The following CLMN variants were observed in gnomAD, a reference collection of about 807,000 sequenced individuals.
CLMN encodes the protein calmin.
CLMN carries 57 observed loss-of-function variants against 92.7 expected under a neutral mutation model. That is an observed-to-expected ratio of 0.61 (90% CI 0.50 to 0.77). The LOEUF is 0.77. CLMN is among the 30% of genes least tolerant of loss of function. The pLI is 0.00. For missense variants in CLMN, 1,158 were observed against 1,237.5 expected (o/e 0.94, Z 0.96); for synonymous variants, 466 against 470.6 (o/e 0.99, Z 0.13).
At chr14:95,216,357 G>A (rs1897345321) in intron 4 of CLMN, among the ~76,000 whole-genome samples, 1 of 152,240 alleles carries the variant, frequency 6.6e-6, no homozygotes, top group African/African-American at 2.4e-5. Context: ...AATTCAAGGT[G>A]AGATTTGGGT....
intron 1 of CLMN, among the ~76,000 whole-genome samples, chr14:95,245,901 T>TG (rs1898551014): frequency 3.8e-5 from 5 of 130,536 alleles, no homozygotes; most frequent in Non-Finnish European, 6.4e-5. Flanking sequence ...GACACACGGA[T>TG]GAATGGATGG....
chr14:95,200,996 T>C (rs1293704089), intron 9 of CLMN, among the ~76,000 whole-genome samples: 1 of 114,812 alleles, frequency 8.7e-6, no homozygotes, highest in Non-Finnish European at 1.7e-5. Flanking sequence ...GAACATCACA[T>C]ACCGGGGCCT....
At chr14:95,211,981 C>T (rs528985615) in intron 6 of CLMN, among the ~76,000 whole-genome samples, 1 of 152,176 alleles carries the variant, frequency 6.6e-6, no homozygotes, top group Non-Finnish European at 1.5e-5. Flanking sequence ...CCATACATCA[C>T]ACCCCCCTTC....
In CLMN at chr14:95,210,765, A is replaced by G; in HGVS notation, c.723T>C (p.Asn241=). The G allele has an allele frequency of 6.2e-7, 1 of 1,607,782 alleles. No homozygotes were observed. Residue 241 remains asparagine, a synonymous_variant, in exon 7 of 13, where the codon AAT becomes AAC. Coordinates refer to ENST00000298912, the MANE Select transcript of CLMN (RefSeq NM_024734.4). ...SLVDMKQALE[N]STRENLEKAF... Reference sequence around the variant, plus strand: ...CCTTCTCTAGATTTTCTCGTGTGGAATTTTCCAGGGCCTGTTTCATGTCCA... The same window carrying G: ...CCTTCTCTAGATTTTCTCGTGTGGAGTTTTCCAGGGCCTGTTTCATGTCCA...
At chr14:95,262,311 G>A (rs932268001) in intron 1 of CLMN, among the ~76,000 whole-genome samples, 1 of 152,166 alleles carries the variant, frequency 6.6e-6, no homozygotes, top group African/African-American at 2.4e-5. Context: ...CTGTTCAACA[G>A]AAGAACAACA....
At chr14:95,278,901 G>T (rs1408709335) in intron 1 of CLMN, among the ~76,000 whole-genome samples, 2 of 152,170 alleles carry the variant, frequency 1.3e-5, no homozygotes, top group Admixed American at 1.3e-4. Flanking sequence ...TTGTCTTCCA[G>T]CTGTGCCCGC....
intron 4 of CLMN, among the ~76,000 whole-genome samples, chr14:95,219,291 T>C (rs917144326): frequency 6.6e-6 from 1 of 152,180 alleles, no homozygotes; most frequent in African/African-American, 2.4e-5. Flanking sequence ...GGAGAGTATT[T>C]AGAGGTCAAT....
intron 1 of CLMN, among the ~76,000 whole-genome samples, chr14:95,310,251 T>A (rs1467660795): frequency 6.6e-6 from 1 of 152,180 alleles, no homozygotes; most frequent in African/African-American, 2.4e-5. Context: ...CAGACTCAGG[T>A]ATTTCTTTAG....
intron 1 of CLMN, among the ~76,000 whole-genome samples, chr14:95,245,182 ATATATATATAT>A (rs1898423091): frequency 2.4e-5 from 1 of 41,734 alleles, no homozygotes; most frequent in Non-Finnish European, 3.9e-5. Context: ...TATTATATAT[ATATATATATAT>A]AATATATATA....
intron 9 of CLMN, among the ~76,000 whole-genome samples, chr14:95,198,136 A>T (rs1161923355): frequency 1.6e-5 from 2 of 128,242 alleles, no homozygotes; most frequent in African/African-American, 6.1e-5. Context: ...TGCAACCTCT[A>T]CCTCCCAGGT....
At chr14:95,218,618 G>A (rs1323285008) in intron 4 of CLMN, among the ~76,000 whole-genome samples, 1 of 152,232 alleles carries the variant, frequency 6.6e-6, no homozygotes, top group Non-Finnish European at 1.5e-5. Context: ...GGCCCACTGA[G>A]TATTTTGTGG....
intron 1 of CLMN, among the ~76,000 whole-genome samples, chr14:95,242,494 A>T (rs1020378766): frequency 6.6e-6 from 1 of 151,830 alleles, no homozygotes; most frequent in Non-Finnish European, 1.5e-5. Context: ...TCCTGACCTC[A>T]AGTGATCCAC....
intron 1 of CLMN, among the ~76,000 whole-genome samples, chr14:95,261,802 G>T (rs763853935): frequency 6.6e-5 from 10 of 152,340 alleles, no homozygotes; most frequent in Non-Finnish European, 1.3e-4. Flanking sequence ...ATGACATGGG[G>T]ATCCCCACAG....
intron 1 of CLMN, among the ~76,000 whole-genome samples, chr14:95,315,444 G>A (rs1901721220): frequency 6.6e-6 from 1 of 152,196 alleles, no homozygotes; most frequent in African/African-American, 2.4e-5. Flanking sequence ...GAGTGGCTGG[G>A]TGGTGGGTGG....
At chr14:95,214,467 A>G (rs1330379662) in intron 5 of CLMN, among the ~76,000 whole-genome samples, 2 of 149,706 alleles carry the variant, frequency 1.3e-5, no homozygotes, top group Non-Finnish European at 3.0e-5. Flanking sequence ...CTCCAAACTC[A>G]GCCTTCCAAG....
chr14:95,227,522 C>T (rs1195553035), intron 2 of CLMN, among the ~76,000 whole-genome samples: 2 of 152,192 alleles, frequency 1.3e-5, no homozygotes, highest in African/African-American at 4.8e-5. Context: ...AATGGACTAA[C>T]AACATTTCCA....
intron 1 of CLMN, among the ~76,000 whole-genome samples, chr14:95,283,972 G>A (rs1282545893): frequency 6.6e-6 from 1 of 152,204 alleles, no homozygotes; most frequent in African/African-American, 2.4e-5. Flanking sequence ...GGCCACGTCA[G>A]AGACCTTCAT....
At chr14:95,229,519 T>C (rs1282135209) in intron 2 of CLMN, among the ~76,000 whole-genome samples, 1 of 152,138 alleles carries the variant, frequency 6.6e-6, no homozygotes, top group Non-Finnish European at 1.5e-5. Flanking sequence ...CGTGCCTCTG[T>C]TTCCTCCTTC....
intron 2 of CLMN, 126 bp downstream of exon 2, chr14:95,229,946 T>G: frequency 2.2e-6 from 2 of 895,118 alleles, no homozygotes; most frequent in Non-Finnish European, 3.6e-6. Context: ...GGGAGGCACT[T>G]ATAAATGTTT....
Sources: allele counts gnomAD v4.1 joint callset (sites outside exome capture counted in the v4.1 genomes callset), GRCh38; gene constraint gnomAD v4.1.1; transcripts MANE v1.5; gene names NCBI Gene and HGNC (gene_info 2026-07-23, HGNC 2026-07-21).